PTER: variants seen among roughly 807,000 people sequenced by gnomAD.
PTER encodes phosphotriesterase related.
A neutral mutation model predicts 29.6 loss-of-function variants in PTER; 38 were observed. The ratio of observed to expected loss-of-function variants is 1.28; its 90% CI spans 0.99 to 1.68. The LOEUF (loss-of-function observed/expected upper bound fraction) is 1.68. Ranked by LOEUF, PTER falls within the 40% of genes most tolerant of loss-of-function variation. The pLI, the probability that PTER is intolerant of heterozygous loss-of-function variation, is 0.00. For missense variants in PTER, 482 were observed against 427.8 expected (o/e 1.13, Z -1.12); for synonymous variants, 172 against 154.5 (o/e 1.11, Z -0.84).
At chr10:16,460,256 C>G (rs1287896218) in intron 1 of PTER, among the ~76,000 whole-genome samples, 1 of 152,106 alleles carries the variant, frequency 6.6e-6, no homozygotes, top group Non-Finnish European at 1.5e-5. Flanking sequence ...GTGATGTTAC[C>G]TTGGGTTAAT....
chr10:16,491,113 C>T (rs11254024), intron 3 of PTER, among the ~76,000 whole-genome samples: 31 of 152,120 alleles, frequency 2.0e-4, no homozygotes, highest in Admixed American at 1.0e-3. Flanking sequence ...AAAGGTTGAC[C>T]TGACATCAGA....
At chr10:16,484,856 T>C (rs771011874) in intron 2 of PTER, 40 bp downstream of exon 2, 4 of 1,538,076 alleles carry the variant, frequency 2.6e-6, no homozygotes, top group Non-Finnish European at 2.6e-6. Context: ...TGTTCATAAA[T>C]TCAGAACAGC....
In PTER at chr10:16,511,207, T is replaced by G; in HGVS notation, c.1001T>G (p.Leu334Arg). The change falls in exon 5 of 5, where the codon CTT becomes CGT. Residue 334 changes from leucine (L) to arginine (R), a missense_variant. Leu to Arg is a moderately radical substitution (Grantham distance 102). Coordinates refer to ENST00000535784, the MANE Select transcript of PTER (RefSeq NM_001261836.2). ...CTGAGAGGCATAACTGAGAATGTGCTTGATAAGATTCTAATAGAGAACCCT... is the reference window on the plus strand; with the variant it reads ...CTGAGAGGCATAACTGAGAATGTGCGTGATAAGATTCTAATAGAGAACCCT... The part of the protein sequence containing the change: ...MLLRGITENV[L>R]DKILIENPKQ... 6.2e-7 allele frequency: 1 copy of G among 1,614,178 alleles called. No homozygotes were observed. The highest frequency in any genetic ancestry group is 8.5e-7 in the Non-Finnish European group (1 of 1,179,994).
intron 1 of PTER, among the ~76,000 whole-genome samples, chr10:16,456,476 T>C (rs1039305498): frequency 2.6e-5 from 4 of 152,230 alleles, no homozygotes; most frequent in African/African-American, 9.6e-5. Flanking sequence ...TGCACTGTTG[T>C]TGCAACTATG....
At chr10:16,440,517 T>C (rs1833810899) in intron 1 of PTER, among the ~76,000 whole-genome samples, 1 of 152,244 alleles carries the variant, frequency 6.6e-6, no homozygotes. Context: ...TGAGTACAAA[T>C]ACCTCTGTGC....
At chr10:16,504,110 A>G (rs550911369) in intron 3 of PTER, among the ~76,000 whole-genome samples, 14 of 148,538 alleles carry the variant, frequency 9.4e-5, no homozygotes, top group African/African-American at 2.2e-4. Flanking sequence ...TTTTTTTCCC[A>G]TATTGTTTTC....
intron 1 of PTER, among the ~76,000 whole-genome samples, chr10:16,453,216 A>G (rs1834277692): frequency 1.3e-5 from 2 of 152,234 alleles, no homozygotes; most frequent in South Asian, 4.1e-4. Flanking sequence ...GCACCTGGCC[A>G]GGTTATTGAT....
intron 1 of PTER, among the ~76,000 whole-genome samples, chr10:16,461,220 A>G (rs553521561): frequency 1.3e-5 from 2 of 152,258 alleles, no homozygotes; most frequent in East Asian, 1.9e-4. Context: ...CTATGGTACT[A>G]GAGGAACCTT....
chr10:16,514,518 T>A (rs752532411), downstream of PTER: 2 of 1,610,466 alleles, frequency 1.2e-6, no homozygotes, highest in South Asian at 2.2e-5. Context: ...TAAGCTTAGT[T>A]TCTGCATTAT....
At chr10:16,455,652 C>G (rs184145289) in intron 1 of PTER, among the ~76,000 whole-genome samples, 187 of 152,270 alleles carry the variant, frequency 1.2e-3, no homozygotes, top group Non-Finnish European at 2.2e-3. Context: ...GATCATGCCA[C>G]TGCACTCTAG....
chr10:16,496,068 A>G (rs1836084951), intron 3 of PTER, among the ~76,000 whole-genome samples: 1 of 152,164 alleles, frequency 6.6e-6, no homozygotes, highest in Admixed American at 6.5e-5. Context: ...CTGGCTAATA[A>G]CAGCGCTATT....
chr10:16,459,383 C>G (rs1008485747), intron 1 of PTER, among the ~76,000 whole-genome samples: 1 of 152,200 alleles, frequency 6.6e-6, no homozygotes, highest in Non-Finnish European at 1.5e-5. Flanking sequence ...TCTTCAGATT[C>G]TACCAGCAGT....
At position 16,449,471 on chromosome 10, in the gene PTER, C is replaced by T. The variant is rs555487484; in HGVS notation, c.-49+12424C>T. ...TTTTGAGACGGAGTCTCACTCACTCCGTCGCCCAGGGTACAGTGCAGTGGT... is the reference window on the plus strand; with the variant it reads ...TTTTGAGACGGAGTCTCACTCACTCTGTCGCCCAGGGTACAGTGCAGTGGT... On this transcript the variant is annotated intron_variant, in intron 1 of 4. Transcript: ENST00000535784. 8.0e-5 allele frequency among the ~76,000 whole-genome samples: 11 copies of T among 136,958 alleles called. No homozygotes were observed. The South Asian group carries it at 1.2e-3, about 15-fold the overall frequency. The allele number at this position is 136,958 out of a possible 152,430, so 89.8% of individuals were successfully genotyped here.
chr10:16,486,540 G>A lies in PTER; in HGVS notation c.621G>A (p.Arg207=). The change falls in exon 3 of 5, where the codon AGG becomes AGA. Residue 207 remains arginine (R), a synonymous_variant. Transcript: ENST00000535784. ...TTATCCATCCTGGACGGAGCTCCAGGGCACCATTTCAGATTATCCGAATAT... is the reference window on the plus strand; with the variant it reads ...TTATCCATCCTGGACGGAGCTCCAGAGCACCATTTCAGATTATCCGAATAT... ...PVIIHPGRSS[R]APFQIIRILQ... is the part of the protein sequence containing the mutation. The A allele has an allele frequency of 6.2e-7, 1 of 1,613,924 alleles. No individual in the cohort carries two copies.
chr10:16,504,372 A>T (rs1836479282), intron 3 of PTER, among the ~76,000 whole-genome samples: 1 of 152,176 alleles, frequency 6.6e-6, no homozygotes, highest in South Asian at 2.1e-4. Context: ...TGAAATGAGA[A>T]GATATCCATA....
intron 1 of PTER, among the ~76,000 whole-genome samples, chr10:16,451,109 G>A (rs567541977): frequency 1.3e-5 from 2 of 152,130 alleles, no homozygotes; most frequent in African/African-American, 2.4e-5. Context: ...ACAAGAGTCC[G>A]AAAGCTGAAG....
At chr10:16,487,426 C>T in intron 3 of PTER, among the ~76,000 whole-genome samples, 1 of 152,164 alleles carries the variant, frequency 6.6e-6, no homozygotes, top group East Asian at 1.9e-4. Context: ...CTGTCTATGT[C>T]TTCTCCTCTG....
chr10:16,453,734 T>C (rs1026981739), intron 1 of PTER, among the ~76,000 whole-genome samples: 4 of 152,220 alleles, frequency 2.6e-5, no homozygotes, highest in African/African-American at 9.6e-5. Flanking sequence ...TCAATGGTTT[T>C]CACATTCCTT....
chr10:16,465,656 G>A (rs1362111233), intron 1 of PTER, among the ~76,000 whole-genome samples: 1 of 152,160 alleles, frequency 6.6e-6, no homozygotes, highest in Admixed American at 6.5e-5. Flanking sequence ...CATTGGTTGA[G>A]CAGACATTTA....
Sources: gnomAD v4.1 joint callset for allele counts (sites outside exome capture counted in the v4.1 genomes callset) on GRCh38, gnomAD v4.1.1 for gene constraint, MANE v1.5 for transcripts, NCBI Gene and HGNC (gene_info 2026-07-23, HGNC 2026-07-21) for gene names.